The following ATOSA variants were observed in gnomAD, a reference collection of about 807,000 sequenced individuals.
The protein encoded by ATOSA is atos homolog A, also known as atos homolog protein A.
At chr15:52,669,934 T>C in the ATOSA span, among the ~76,000 whole-genome samples, 1 of 152,154 alleles carries the variant, frequency 6.6e-6, no homozygotes, top group Admixed American at 6.5e-5. Flanking sequence ...TTGGGCAACA[T>C]CTCACCACTC....
chr15:52,622,773 G>GTTCACCTTC, the ATOSA span, among the ~76,000 whole-genome samples: 1 of 151,968 alleles, frequency 6.6e-6, no homozygotes, highest in African/African-American at 2.4e-5. Context: ...CAAATCCCAG[G>GTTCACCTTC]AACTAGAAGG....
chr15:52,647,778 A>C, the ATOSA span, among the ~76,000 whole-genome samples: 4 of 152,214 alleles, frequency 2.6e-5, no homozygotes, highest in Non-Finnish European at 4.4e-5. Flanking sequence ...CACTACAAGA[A>C]TCAAACTGTA....
At chr15:52,658,558 G>A in the ATOSA span, 2 of 350,840 alleles carry the variant, frequency 5.7e-6, no homozygotes, top group East Asian at 3.7e-5. Flanking sequence ...ATTGAAGCTC[G>A]CACTTAATGG....
the ATOSA span, among the ~76,000 whole-genome samples, chr15:52,605,805 T>C: frequency 1.3e-5 from 2 of 152,204 alleles, no homozygotes; most frequent in East Asian, 3.9e-4. Flanking sequence ...AAAACTACTA[T>C]GGTAGTCCCC....
chr15:52,700,037 A>C, the ATOSA span, among the ~76,000 whole-genome samples: 102 of 152,308 alleles, frequency 6.7e-4, no homozygotes, highest in African/African-American at 2.2e-3. Flanking sequence ...TCAATGTATA[A>C]ATTTTTCGAA....
At chr15:52,613,338 C>T in the ATOSA span, among the ~76,000 whole-genome samples, 2 of 152,216 alleles carry the variant, frequency 1.3e-5, no homozygotes, top group African/African-American at 4.8e-5. Flanking sequence ...TGCACTCCAG[C>T]CTGGGCAACA....
At chr15:52,641,599 C>T in the ATOSA span, among the ~76,000 whole-genome samples, 1 of 152,200 alleles carries the variant, frequency 6.6e-6, no homozygotes, top group African/African-American at 2.4e-5. Flanking sequence ...AGTCATTCAG[C>T]CAGTTGAAGG....
chr15:52,642,317 G>A, the ATOSA span, among the ~76,000 whole-genome samples: 1,132 of 152,208 alleles, frequency 7.4e-3, 13 homozygotes, highest in African/African-American at 0.026. Flanking sequence ...CAGAAGACCT[G>A]GATTGTAATT....
the ATOSA span, among the ~76,000 whole-genome samples, chr15:52,585,588 A>G: frequency 1.3e-5 from 2 of 152,200 alleles, no homozygotes; most frequent in African/African-American, 4.8e-5. Context: ...ATTTACTCAT[A>G]CATGGAATCA....
chr15:52,643,141 C>T, the ATOSA span, among the ~76,000 whole-genome samples: 1 of 152,136 alleles, frequency 6.6e-6, no homozygotes, highest in Non-Finnish European at 1.5e-5. Context: ...CTTATAAAGA[C>T]GTACCATGAA....
the ATOSA span, chr15:52,648,690 C>T: frequency 6.6e-6 from 1 of 151,982 alleles, no homozygotes. Flanking sequence ...TGTTAAAGAA[C>T]AGGAATATAC....
At chr15:52,647,085 A>G in the ATOSA span, among the ~76,000 whole-genome samples, 34 of 152,342 alleles carry the variant, frequency 2.2e-4, no homozygotes, top group African/African-American at 8.2e-4. Flanking sequence ...TCTGGGCCCA[A>G]TGCAGAAGCT....
chr15:52,660,316 G>C, the ATOSA span, among the ~76,000 whole-genome samples: 3 of 152,208 alleles, frequency 2.0e-5, no homozygotes, highest in Admixed American at 2.0e-4. Context: ...ATGAAGAAAT[G>C]AGGGAAGCAC....
the ATOSA span, among the ~76,000 whole-genome samples, chr15:52,591,521 A>C: frequency 1.4e-4 from 22 of 152,250 alleles, no homozygotes; most frequent in African/African-American, 4.8e-4. Context: ...AAGTGCTGGG[A>C]TTCAGATATG....
the ATOSA span, among the ~76,000 whole-genome samples, chr15:52,694,920 G>GTTTTTTTTTTT: frequency 1.5e-5 from 2 of 130,440 alleles, no homozygotes; most frequent in Non-Finnish European, 3.3e-5. Context: ...TTTTTTTTCT[G>GTTTTTTTTTTT]TTTTTTTTTG....
the ATOSA span, chr15:52,605,377 G>T: frequency 1.7e-6 from 1 of 601,708 alleles, no homozygotes; most frequent in Non-Finnish European, 2.8e-6. Context: ...TGATATACAG[G>T]TGGGATATCC....
chr15:52,582,687 C>T, the ATOSA span, among the ~76,000 whole-genome samples: 8 of 152,306 alleles, frequency 5.3e-5, no homozygotes, highest in East Asian at 1.5e-3. Context: ...GCTCTGTAGC[C>T]CTGGCATCTT....
the ATOSA span, among the ~76,000 whole-genome samples, chr15:52,662,949 T>A: frequency 6.6e-6 from 1 of 152,092 alleles, no homozygotes. Context: ...GTTGGGTAAT[T>A]TTTATAACAG....
the ATOSA span, chr15:52,652,000 A>C: frequency 6.5e-7 from 1 of 1,527,564 alleles, no homozygotes. Context: ...CGGTTAAAAC[A>C]AATGTTCAGC....
Sources: allele counts gnomAD v4.1 joint callset (sites outside exome capture counted in the v4.1 genomes callset), GRCh38; gene constraint gnomAD v4.1.1; transcripts MANE v1.5; gene names NCBI Gene and HGNC (gene_info 2026-07-23, HGNC 2026-07-21).